ALPK2: variants seen among roughly 807,000 people sequenced by gnomAD.
ALPK2 encodes alpha-protein kinase 2.
In ALPK2, 127 loss-of-function variants were observed where a neutral mutation model predicts 163.1. The observed-to-expected ratio is 0.78, with a 90% CI of 0.67 to 0.90. The LOEUF (loss-of-function observed/expected upper bound fraction) is 0.90. Among genes scored for constraint, ALPK2 ranks in the 40% least tolerant of loss-of-function variants. ALPK2 has a pLI of 0.00. For synonymous variants in ALPK2, 953 were observed against 959.1 expected (o/e 0.99, Z 0.12); for missense variants, 2,360 against 2,589.6 (o/e 0.91, Z 1.92).
intron 10 of ALPK2, among the ~76,000 whole-genome samples, chr18:58,509,945 A>T (rs142155656): frequency 0.11 from 16,976 of 152,194 alleles, 1,253 homozygotes; most frequent in Middle Eastern, 0.16. Context: ...TGTTTTAGAC[A>T]TGAAGTCTTT....
chr18:58,591,961 C>T (rs1481881445), intron 3 of ALPK2, among the ~76,000 whole-genome samples: 1 of 152,136 alleles, frequency 6.6e-6, no homozygotes, highest in Non-Finnish European at 1.5e-5. Flanking sequence ...GGTTTTCCAT[C>T]CCATACTAAG....
intron 11 of ALPK2, among the ~76,000 whole-genome samples, chr18:58,500,676 G>A (rs1407836923): frequency 3.3e-5 from 5 of 152,044 alleles, no homozygotes; most frequent in Non-Finnish European, 7.4e-5. Flanking sequence ...TGTAATCCCG[G>A]CACTTTGGGA....
intron 10 of ALPK2, among the ~76,000 whole-genome samples, chr18:58,509,283 T>C (rs1459709042): frequency 6.6e-6 from 1 of 152,172 alleles, no homozygotes; most frequent in Non-Finnish European, 1.5e-5. Context: ...CAGTCTATCA[T>C]CGTTGGACAT....
intron 4 of ALPK2, among the ~76,000 whole-genome samples, chr18:58,543,891 T>C (rs1480548045): frequency 6.6e-6 from 1 of 152,128 alleles, no homozygotes; most frequent in East Asian, 1.9e-4. Context: ...ATCAGGTAAG[T>C]TGGAATAAAC....
intron 4 of ALPK2, among the ~76,000 whole-genome samples, chr18:58,564,302 A>G (rs1346093212): frequency 1.3e-5 from 2 of 151,426 alleles, no homozygotes; most frequent in Admixed American, 1.3e-4. Context: ...TTGTATTTTT[A>G]GTAGAGATGG....
chr18:58,528,935 T>C, intron 6 of ALPK2, 156 bp downstream of exon 6: 5 of 904,402 alleles, frequency 5.5e-6, no homozygotes, highest in Non-Finnish European at 8.3e-6. Context: ...GACACTTGTC[T>C]TCCGATATTT....
chr18:58,600,025 A>ATTTTT (rs1568097627), intron 3 of ALPK2, among the ~76,000 whole-genome samples: 8 of 82,894 alleles, frequency 9.7e-5, no homozygotes, highest in Non-Finnish European at 1.9e-4. Context: ...CAATGGGGAT[A>ATTTTT]TCTTTTTTTT....
At chr18:58,498,477 C>T (rs1213523241) in intron 11 of ALPK2, among the ~76,000 whole-genome samples, 1 of 152,300 alleles carries the variant, frequency 6.6e-6, no homozygotes, top group African/African-American at 2.4e-5. Flanking sequence ...TCTGGCTCCC[C>T]GTTCTTCAAT....
At chr18:58,549,379 C>G (rs2051737710) in intron 4 of ALPK2, among the ~76,000 whole-genome samples, 1 of 152,136 alleles carries the variant, frequency 6.6e-6, no homozygotes, top group African/African-American at 2.4e-5. Context: ...TTCAGGGGCC[C>G]CTTTGGATGG....
chr18:58,529,990 TA>T (rs1251953771), intron 5 of ALPK2, among the ~76,000 whole-genome samples: 3 of 152,138 alleles, frequency 2.0e-5, no homozygotes, highest in African/African-American at 7.2e-5. Flanking sequence ...CGAGTGGTCG[TA>T]ACAATTGGGT....
chr18:58,529,328 TATTA>T, intron 5 of ALPK2, 90 bp from the exon 6 acceptor site: 3 of 1,296,994 alleles, frequency 2.3e-6, no homozygotes, highest in Non-Finnish European at 3.2e-6. Context: ...GAGACAGGAA[TATTA>T]ATTATTATCC....
intron 4 of ALPK2, among the ~76,000 whole-genome samples, chr18:58,561,838 G>A (rs2051827091): frequency 1.3e-5 from 2 of 152,182 alleles, no homozygotes; most frequent in Non-Finnish European, 2.9e-5. Flanking sequence ...GTCAGGTGGT[G>A]GAAACTTCAC....
In ALPK2 at chr18:58,578,809, C is replaced by T. The variant is rs2051937466; in HGVS notation, c.1962+5G>A. 5 of 1,592,868 alleles carry T rather than the reference C, an allele frequency of 3.1e-6. No individual in the cohort carries two copies. The highest frequency in any genetic ancestry group is 1.7e-5 in the Admixed American group (1 of 58,628). ...CTCGTAATTTCTTTAAAAGAAAAGTCTTACCTGAGGAGGATCACTCCAGTC... is the reference window on the plus strand; with the variant it reads ...CTCGTAATTTCTTTAAAAGAAAAGTTTTACCTGAGGAGGATCACTCCAGTC... On this transcript the variant is annotated splice_donor_5th_base_variant and intron_variant, in intron 4 of 12. Coordinates refer to ENST00000361673, the MANE Select transcript of ALPK2 (RefSeq NM_052947.4).
chr18:58,628,466 G>A (rs1395844760), intron 1 of ALPK2, among the ~76,000 whole-genome samples: 1 of 152,108 alleles, frequency 6.6e-6, no homozygotes, highest in Non-Finnish European at 1.5e-5. Context: ...TAACTGTTAA[G>A]ATAGACATGA....
chr18:58,549,989 T>C (rs1411624020), intron 4 of ALPK2, among the ~76,000 whole-genome samples: 1 of 152,108 alleles, frequency 6.6e-6, no homozygotes, highest in Non-Finnish European at 1.5e-5. Context: ...TCTGTCTCCG[T>C]CACCTTCCTC....
chr18:58,606,913 C>A (rs1243833041), intron 3 of ALPK2, among the ~76,000 whole-genome samples: 1 of 152,196 alleles, frequency 6.6e-6, no homozygotes, highest in Admixed American at 6.5e-5. Flanking sequence ...GCCTGAACTC[C>A]ACCACCAAGG....
chr18:58,483,533 A>C (rs1389377480), intron 12 of ALPK2, among the ~76,000 whole-genome samples: 1 of 95,456 alleles, frequency 1.0e-5, no homozygotes, highest in Non-Finnish European at 2.5e-5. Flanking sequence ...TACTCACTTT[A>C]TTTATTTATT....
At chr18:58,500,732 T>G (rs182008030) in intron 11 of ALPK2, among the ~76,000 whole-genome samples, 2 of 151,414 alleles carry the variant, frequency 1.3e-5, no homozygotes, top group East Asian at 1.9e-4. Flanking sequence ...CAGACCAGCC[T>G]GGCCAACATG....
In ALPK2 at chr18:58,536,049, GT is replaced by G; in HGVS notation, c.4137del (p.Lys1379AsnfsTer15). 6.2e-7 allele frequency: 1 copy of G among 1,614,154 alleles called. No individual in the cohort carries two copies. The highest frequency in any genetic ancestry group is 8.5e-7 in the Non-Finnish European group (1 of 1,180,022). On this transcript the variant is annotated frameshift_variant, in exon 5 of 13. Coordinates refer to ENST00000361673, the MANE Select transcript of ALPK2 (RefSeq NM_052947.4). ...VNNVSQDQEE[K>X]QLKMDHTAFF... ...AAGGCAGTGTGATCCATCTTGAGTT[GT>G]TTTTCCTCCTGGTCTTGACTCACAT...
Sources: gnomAD v4.1 joint callset for allele counts (sites outside exome capture counted in the v4.1 genomes callset) on GRCh38, gnomAD v4.1.1 for gene constraint, MANE v1.5 for transcripts, NCBI Gene and HGNC (gene_info 2026-07-23, HGNC 2026-07-21) for gene names.